The following MST1R variants were observed in gnomAD, a reference collection of about 807,000 sequenced individuals.
MST1R encodes the protein macrophage-stimulating protein receptor.
Under a neutral mutation model 117.8 loss-of-function variants are expected in MST1R, and 99 were observed. That is an observed-to-expected ratio of 0.84 (90% CI 0.71 to 0.99). The LOEUF (loss-of-function observed/expected upper bound fraction) is 0.99. Ranked by LOEUF, MST1R falls within the 50% of genes least tolerant of loss-of-function variation. The pLI is 0.00. For missense variants in MST1R, 1,683 were observed against 1,840.2 expected, an observed-to-expected ratio of 0.91 and a Z score of 1.56; for synonymous variants, 734 against 765.3, an observed-to-expected ratio of 0.96 and a Z score of 0.68.
At chr3:49,901,799 G>T (rs543407416) in intron 1 of MST1R, among the ~76,000 whole-genome samples, 1 of 151,766 alleles carries the variant, frequency 6.6e-6, no homozygotes, top group African/African-American at 2.4e-5. Flanking sequence ...TGGAGGAAGG[G>T]GAGATTCTCT....
chr3:49,903,155 C>A lies in MST1R; in HGVS notation c.455G>T (p.Gly152Val). 1.2e-6 allele frequency: 2 copies of A among 1,604,480 alleles called. No homozygotes were observed. Among genetic ancestry groups the A allele is most frequent in the Admixed American group, 1.7e-5 (1 of 60,028 alleles). Residue 152 changes from glycine to valine, a missense_variant, in exon 1 of 20, where the codon GGG (glycine) becomes GTG (valine). Gly to Val is a moderately radical substitution (Grantham distance 109). Coordinates refer to ENST00000296474, the MANE Select transcript of MST1R (RefSeq NM_002447.4). ...RCFLHDLEPQ[G>V]TAVHLAAPAC... is the part of the protein sequence containing the mutation. ...TGGCGCTGCCAGATGCACGGCTGTC[C>A]CTTGGGGCTCTAGGTCATGCAGGAA...
At chr3:49,892,724 C>A (rs950283538) in intron 14 of MST1R, among the ~76,000 whole-genome samples, 10 of 149,448 alleles carry the variant, frequency 6.7e-5, no homozygotes, top group Non-Finnish European at 1.2e-4. Flanking sequence ...GATGCTGGGG[C>A]GGGAGGATCA....
In MST1R at chr3:49,902,475, C is replaced by T. The variant is rs1559483792; in HGVS notation, c.1135G>A (p.Asp379Asn). ...TCACAACAGCGCTCCACACCCTCATCAATTAGTGTGTCCAGCAGGTCAATG... is the reference window on the plus strand; with the variant it reads ...TCACAACAGCGCTCCACACCCTCATTAATTAGTGTGTCCAGCAGGTCAATG... The part of the protein sequence containing the change: ...FPIDLLDTLI[D>N]EGVERCCESP... Residue 379 changes from aspartate (D) to asparagine (N), a missense_variant, in exon 1 of 20, where the codon GAT becomes AAT. Transcript: ENST00000296474. 1.2e-6 allele frequency: 2 copies of T among 1,614,192 alleles called. No individual in the cohort carries two copies. The highest frequency in any genetic ancestry group is 2.2e-5 in the South Asian group (2 of 91,090).
At chr3:49,892,075 T>G in intron 14 of MST1R, 2 of 322,346 alleles carry the variant, frequency 6.2e-6, no homozygotes, top group Non-Finnish European at 1.2e-5. Context: ...GTGATTCTCC[T>G]GCCTCAGCCT....
At position 49,896,775 on chromosome 3, in the gene MST1R, T is replaced by C. The variant is rs1575439575; in HGVS notation, c.2299A>G (p.Arg767Gly). 6.4e-7 allele frequency: 1 copy of C among 1,574,138 alleles called. No homozygotes were observed. The highest frequency in any genetic ancestry group is 8.6e-7 in the Non-Finnish European group (1 of 1,158,390). Residue 767 changes from arginine (R) to glycine (G), a missense_variant, in exon 8 of 20, where the codon AGA becomes GGA. Arg to Gly is a moderately radical substitution (Grantham distance 125). Coordinates refer to ENST00000296474, the MANE Select transcript of MST1R (RefSeq NM_002447.4). ...ATGCTTAGCACGACAGGGTCTTCTC[T>C]GTACTGGAAGGTCCAGGAACCAGGT... ...QVPGSWTFQY[R>G]EDPVVLSISP...
chr3:49,901,942 C>T (rs948832807), intron 1 of MST1R, among the ~76,000 whole-genome samples: 3 of 810 alleles, frequency 3.7e-3, no homozygotes, highest in South Asian at 0.025. Flanking sequence ...GTGGTGGTGG[C>T]GGGGGTGGGG....
chr3:49,896,894 C>T lies in MST1R; in HGVS notation c.2184-4G>A, dbSNP rs1465414281. 6.7e-7 allele frequency: 1 copy of T among 1,498,844 alleles called. No individual in the cohort carries two copies. Among genetic ancestry groups the T allele is most frequent in the South Asian group, 1.3e-5 (1 of 75,264 alleles). The allele number at this position is 1,498,844 out of a possible 1,614,324, so 92.8% of individuals were successfully genotyped here. A position where few individuals can be genotyped will look rare whatever the true frequency, so the allele number is the denominator to read the frequency against. Reference sequence around the variant, plus strand: ...TAAAAGCTGCCCCTCACTGACCCTACAGGAACAAGAGATTGGGCTCAAGGT... The same window carrying T: ...TAAAAGCTGCCCCTCACTGACCCTATAGGAACAAGAGATTGGGCTCAAGGT... On this transcript the variant is annotated splice_polypyrimidine_tract_variant and splice_region_variant and intron_variant, in intron 7 of 19. Coordinates refer to ENST00000296474, the MANE Select transcript of MST1R (RefSeq NM_002447.4).
rs751769953 is a variant in MST1R at position 49,903,279 on chromosome 3, G to A, written c.331C>T (p.Pro111Ser). 6 of 1,610,934 alleles carry A rather than the reference G, an allele frequency of 3.7e-6. No individual in the cohort carries two copies. The South Asian group carries it at 4.4e-5, about 12-fold the overall frequency. The change falls in exon 1 of 20, where the codon CCC (proline) becomes TCC (serine). Residue 111 changes from proline to serine, a missense_variant. Coordinates refer to ENST00000296474, the MANE Select transcript of MST1R (RefSeq NM_002447.4). ...TCTGTGTCACCGGGAGGGCCGTGGG[G>A]TCCTGGGCCACAGGCTGCACACGTC... is the stretch of plus-strand genomic sequence containing the variant. ...CQTCAACGPG[P>S]HGPPGDTDTK...
rs1359123465 is a variant in MST1R at position 49,899,386 on chromosome 3, G to A, written c.1231-123C>T. ...CCCTCACCTGGCCTGACTGGAGAAG[G>A]CCCTGGGCCTGCCGGTTACCATCCC... On this transcript the variant is annotated intron_variant, in intron 1 of 19. Coordinates refer to ENST00000296474, the MANE Select transcript of MST1R (RefSeq NM_002447.4). 3 of 1,050,808 alleles carry A rather than the reference G, an allele frequency of 2.9e-6. No individual in the cohort carries two copies. In the African/African-American group the frequency reaches 4.8e-5, roughly 17 times the overall value. 65.1% of individuals were successfully genotyped at this position (1,050,808 alleles called of 1,614,324 possible).
intron 3 of MST1R, 54 bp downstream of exon 3, chr3:49,898,813 G>A: frequency 6.2e-6 from 10 of 1,611,274 alleles, no homozygotes; most frequent in Middle Eastern, 1.7e-4. Flanking sequence ...GGATTGGATG[G>A]AGAGTCTGTG....
rs2082438040 is a variant in MST1R, at chr3:49,895,521, G to A, written c.2990C>T (p.Ala997Val). Reference protein sequence around the residue: ...LVLPPNLNDLASLDQTAGATP... With the variant: ...LVLPPNLNDLVSLDQTAGATP... The stretch of plus-strand genomic sequence containing the variant: ...GGCTCCAGCAGTCTGGTCCAGGGAT[G>A]CCAGGTCATTCAGGTTGGGAGGAAG... The change falls in exon 13 of 20, where the codon GCA (alanine) becomes GTA (valine). Residue 997 changes from alanine (A) to valine (V), a missense_variant. By Grantham distance (64) the Ala-to-Val change is moderately conservative (BLOSUM62 0). Coordinates refer to ENST00000296474, the MANE Select transcript of MST1R (RefSeq NM_002447.4). The A allele has an allele frequency of 6.2e-7, 1 of 1,614,166 alleles. No individual in the cohort carries two copies. Among genetic ancestry groups the A allele is most frequent in the African/African-American group, 1.3e-5 (1 of 75,036 alleles).
chr3:49,895,410 G>A (rs756919099), intron 13 of MST1R, 37 bp from the exon 14 acceptor site: 9 of 1,613,970 alleles, frequency 5.6e-6, no homozygotes, highest in South Asian at 1.1e-5. Context: ...GTAGGGACAG[G>A]GGGTGGCTTT....
At chr3:49,895,614 G>A (rs1322432434) in intron 12 of MST1R, 66 bp from the exon 13 acceptor site, 6 of 1,611,174 alleles carry the variant, frequency 3.7e-6, no homozygotes, top group Non-Finnish European at 5.1e-6. Flanking sequence ...CTCTGGGGAG[G>A]ACTTAGATCC....
chr3:49,895,542 G>GGA lies in MST1R; in HGVS notation c.2967_2968dup (p.Pro990LeufsTer5). On this transcript the variant is annotated frameshift_variant, in exon 13 of 20. Transcript: ENST00000296474. LOFTEE classifies it high-confidence loss of function. The stretch of plus-strand genomic sequence containing the variant: ...GGATGCCAGGTCATTCAGGTTGGGA[G>GGA]GAAGAACTGTGGAAAGAGAATCCTT... 1 of 1,614,176 alleles carries GGA rather than the reference G, an allele frequency of 6.2e-7. No individual in the cohort carries two copies. The highest frequency in any genetic ancestry group is 8.5e-7 in the Non-Finnish European group (1 of 1,180,022).
Position 49,903,703 on chromosome 3 carries a change from G to T in MST1R, c.-94C>A, listed in dbSNP as rs2082772973. ...GGGCCCGACTCGAGGTCTGGACTGG[G>T]CCAAATTTAAGCAGCGGTCCCGACA... On this transcript the variant is annotated 5_prime_UTR_variant, in exon 1 of 20. Transcript: ENST00000296474. 6.8e-7 allele frequency: 1 copy of T among 1,475,456 alleles called. No individual in the cohort carries two copies. The highest frequency in any genetic ancestry group is 1.4e-5 in the African/African-American group (1 of 71,024). The allele number at this position is 1,475,456 out of a possible 1,614,324, so 91.4% of individuals were successfully genotyped here.
chr3:49,902,918 C>T lies in MST1R; in HGVS notation c.692G>A (p.Gly231Asp), dbSNP rs2108507314. 2 of 1,613,478 alleles carry T rather than the reference C, an allele frequency of 1.2e-6. No homozygotes were observed. Among genetic ancestry groups the T allele is most frequent in the Non-Finnish European group, 1.7e-6 (2 of 1,180,054 alleles). The change falls in exon 1 of 20, where the codon GGC becomes GAC. Residue 231 changes from glycine (G) to aspartate (D), a missense_variant. Gly to Asp is a moderately conservative substitution (Grantham distance 94). Transcript: ENST00000296474. ...LKADASGFAPGFVALSVLPKH... is the reference protein window; with the variant it reads ...LKADASGFAPDFVALSVLPKH... ...GGGCAGCACTGACAACGCCACAAAG[C>T]CCGGTGCGAATCCCGAGGCGTCAGC...
In MST1R at chr3:49,903,548, G is replaced by A; in HGVS notation, c.62C>T (p.Pro21Leu). The change falls in exon 1 of 20, where the codon CCC (proline) becomes CTC (leucine). Residue 21 changes from proline (P) to leucine (L), a missense_variant. Transcript: ENST00000296474. The part of the protein sequence containing the change: ...FLLLLLLPAK[P>L]AAGEDWQCPR... ...GCACTGCCAGTCCTCGCCCGCCGCG[G>A]GCTTGGCAGGCAACAGCAGCAGCAA... 3 of 1,596,956 alleles carry A rather than the reference G, an allele frequency of 1.9e-6. No individual in the cohort carries two copies. Among genetic ancestry groups the A allele is most frequent in the Non-Finnish European group, 2.6e-6 (3 of 1,176,168 alleles).
rs528120842 is a variant in MST1R, at chr3:49,903,309, A to C, written c.301T>G (p.Cys101Gly). ...GGGCCACAGGCTGCACACGTCTGGCAGCCAGGGTCTCCAGCAGGGCCCGTG... is the reference window on the plus strand; with the variant it reads ...GGGCCACAGGCTGCACACGTCTGGCCGCCAGGGTCTCCAGCAGGGCCCGTG... ...LATGPAGDPG[C>G]QTCAACGPGP... Residue 101 changes from cysteine to glycine, a missense_variant, in exon 1 of 20, where the codon TGC becomes GGC. By Grantham distance (159) the Cys-to-Gly change is radical. Transcript: ENST00000296474. 3 of 1,612,784 alleles carry C rather than the reference A, an allele frequency of 1.9e-6. No homozygotes were observed. In the East Asian group the frequency reaches 6.7e-5, roughly 36 times the overall value.
At position 49,887,154 on chromosome 3, in the gene MST1R, A is replaced by T; in HGVS notation, c.*153T>A. 9.7e-7 allele frequency: 1 copy of T among 1,028,608 alleles called. No individual in the cohort carries two copies. Among genetic ancestry groups the T allele is most frequent in the Non-Finnish European group, 1.4e-6 (1 of 696,336 alleles). The allele number at this position is 1,028,608 out of a possible 1,614,324, so 63.7% of individuals were successfully genotyped here. On this transcript the variant is annotated 3_prime_UTR_variant, in exon 20 of 20. Transcript: ENST00000296474. ...CTGCCCTCACTGGCTCACTCTGTGG[A>T]GTGAGGGACCTAATGGGCCCCATTT...
Sources: allele counts gnomAD v4.1 joint callset (sites outside exome capture counted in the v4.1 genomes callset), GRCh38; gene constraint gnomAD v4.1.1; transcripts MANE v1.5; gene names NCBI Gene and HGNC (gene_info 2026-07-23, HGNC 2026-07-21).